Variants in NUDCD1 observed in about 807,000 individuals in gnomAD.
NUDCD1 encodes the protein NudC domain containing 1.
A neutral mutation model predicts 67.8 loss-of-function variants in NUDCD1; 60 were observed. That is an observed-to-expected ratio of 0.88 (90% CI 0.72 to 1.10). The LOEUF (loss-of-function observed/expected upper bound fraction) is 1.10, where lower values mean the gene tolerates loss of function less well. Among genes scored for constraint, NUDCD1 ranks in the 50% least tolerant of loss-of-function variants. The probability of loss-of-function intolerance (pLI) is 0.00; values close to 1 mark genes in which losing one functional copy is unlikely to be tolerated. For synonymous variants in NUDCD1, 244 were observed against 230.8 expected, an observed-to-expected ratio of 1.06 and a Z score of -0.52; for missense variants, 643 against 695.0, an observed-to-expected ratio of 0.93 and a Z score of 0.84.
chr8:109,296,505 T>C lies in NUDCD1; in HGVS notation c.338A>G (p.Asn113Ser), dbSNP rs771264834. ...GAAATGGATAGATGCACAAAGACGG[T>C]TGTCACATGCTGTCAAATCTGTAGG... Reference protein sequence around the residue: ...RLPTDLTACDNRLCASIHFSS... With the variant: ...RLPTDLTACDSRLCASIHFSS... The change falls in exon 3 of 10, where the codon AAC becomes AGC. Residue 113 changes from asparagine to serine, a missense_variant. By Grantham distance (46) the Asn-to-Ser change is conservative. Coordinates refer to ENST00000239690, the MANE Select transcript of NUDCD1 (RefSeq NM_032869.4). The C allele has an allele frequency of 3.7e-5, 60 of 1,613,226 alleles. No individual in the cohort carries two copies. Among genetic ancestry groups the C allele is most frequent in the Non-Finnish European group, 4.4e-5 (52 of 1,179,428 alleles).
At chr8:109,282,706 T>G (rs566949853) in intron 5 of NUDCD1, among the ~76,000 whole-genome samples, 1 of 151,800 alleles carries the variant, frequency 6.6e-6, no homozygotes, top group South Asian at 2.1e-4. Context: ...AGGGGAGGGA[T>G]AGCATTAGGA....
rs992958257 is a variant in NUDCD1, at chr8:109,296,310, G to A, written c.459+74C>T. The A allele has an allele frequency of 2.5e-6, 3 of 1,179,754 alleles. No individual in the cohort carries two copies. In the African/African-American group the frequency reaches 4.6e-5, roughly 18 times the overall value. The allele number at this position is 1,179,754 out of a possible 1,614,324, so 73.1% of individuals were successfully genotyped here. ...CACATGTAAACCATCCTTGAAAAGT[G>A]TCATTTTAAAATAAGTAGGGTGTAA... On this transcript the variant is annotated intron_variant, in intron 3 of 9. Transcript: ENST00000239690.
chr8:109,326,881 A>T (rs977309149), intron 1 of NUDCD1, among the ~76,000 whole-genome samples: 1 of 152,226 alleles, frequency 6.6e-6, no homozygotes, highest in Non-Finnish European at 1.5e-5. Context: ...TGTCTCCTGC[A>T]CTAATAGTGC....
intron 8 of NUDCD1, among the ~76,000 whole-genome samples, chr8:109,262,502 T>C (rs1293556156): frequency 6.6e-6 from 1 of 152,230 alleles, no homozygotes; most frequent in Non-Finnish European, 1.5e-5. Flanking sequence ...GACAGAGACT[T>C]CTGGTTTTAT....
chr8:109,269,473 GA>G (rs1238259462), intron 8 of NUDCD1, among the ~76,000 whole-genome samples: 1 of 152,158 alleles, frequency 6.6e-6, no homozygotes, highest in Non-Finnish European at 1.5e-5. Flanking sequence ...CGAGTGAGAA[GA>G]ACAGTTATAT....
intron 2 of NUDCD1, among the ~76,000 whole-genome samples, chr8:109,309,973 A>G (rs544804224): frequency 5.9e-5 from 9 of 152,316 alleles, no homozygotes; most frequent in Non-Finnish European, 1.2e-4. Flanking sequence ...GCTGACAGAA[A>G]TCACAGATTA....
chr8:109,333,936 G>C lies in NUDCD1; in HGVS notation c.75C>G (p.Leu25=), dbSNP rs1220317904. 1.9e-6 allele frequency: 3 copies of C among 1,614,192 alleles called. 1 individual carries two copies. Among genetic ancestry groups the C allele is most frequent in the African/African-American group, 2.7e-5 (2 of 75,072 alleles). ...LLDPRFEGYK[L]SLEPLPCYQL... Reference sequence around the variant, plus strand: ...GGTAACAAGGCAGCGGCTCAAGAGAGAGCTTGTAACCCTCGAAGCGGGGAT... The same window carrying C: ...GGTAACAAGGCAGCGGCTCAAGAGACAGCTTGTAACCCTCGAAGCGGGGAT... The change falls in exon 1 of 10, where the codon CTC becomes CTG. Residue 25 remains leucine (L), a synonymous_variant. Transcript: ENST00000239690.
chr8:109,326,613 A>G (rs773498096), intron 1 of NUDCD1, among the ~76,000 whole-genome samples: 19 of 152,218 alleles, frequency 1.2e-4, no homozygotes, highest in Non-Finnish European at 2.5e-4. Flanking sequence ...CATTGAAAAT[A>G]AAAGAGCTTT....
intron 5 of NUDCD1, among the ~76,000 whole-genome samples, chr8:109,288,114 A>T (rs1382894563): frequency 6.6e-6 from 1 of 152,234 alleles, no homozygotes; most frequent in Non-Finnish European, 1.5e-5. Flanking sequence ...CATAATTTTT[A>T]AAAATTACAA....
chr8:109,300,272 A>G (rs1215063369), intron 2 of NUDCD1, among the ~76,000 whole-genome samples: 1 of 152,180 alleles, frequency 6.6e-6, no homozygotes, highest in African/African-American at 2.4e-5. Flanking sequence ...TACCTGAAAA[A>G]GAATTCAGGA....
At position 109,242,216 on chromosome 8, in the gene NUDCD1, C is replaced by T. The variant is rs567913750; in HGVS notation, c.*793G>A. On this transcript the variant is annotated 3_prime_UTR_variant, in exon 10 of 10. Transcript: ENST00000239690. Reference sequence around the variant, plus strand: ...AGTAAATATGATAGATGTACAGGATCGATAAGCTCTTGCATATTGGAGCTT... The same window carrying T: ...AGTAAATATGATAGATGTACAGGATTGATAAGCTCTTGCATATTGGAGCTT... 3 of 397,226 alleles carry T rather than the reference C, an allele frequency of 7.6e-6. No homozygotes were observed. Among genetic ancestry groups the T allele is most frequent in the African/African-American group, 4.1e-5 (2 of 48,630 alleles). 24.6% of individuals were successfully genotyped at this position (397,226 alleles called of 1,614,324 possible). A position where few individuals can be genotyped will look rare whatever the true frequency, so the allele number is the denominator to read the frequency against.
intron 6 of NUDCD1, among the ~76,000 whole-genome samples, chr8:109,279,958 T>G (rs910453053): frequency 2.0e-5 from 3 of 152,180 alleles, no homozygotes; most frequent in African/African-American, 4.8e-5. Flanking sequence ...TATGGCTTTG[T>G]GTCCTGAACA....
rs142056400 is a variant in NUDCD1 at position 109,251,305 on chromosome 8, G to A, written c.1300-5824C>T. ...TCTCTGCCTCAGTCTCTCGAGTAGC[G>A]GGGATTACAGGTACCCACCACCACG... On this transcript the variant is annotated intron_variant, in intron 8 of 9. Coordinates refer to ENST00000239690, the MANE Select transcript of NUDCD1 (RefSeq NM_032869.4). Among the ~76,000 whole-genome samples, 119 of 151,220 alleles carry A rather than the reference G, an allele frequency of 7.9e-4. No individual in the cohort carries two copies. The East Asian group carries it at 0.014, about 18-fold the overall frequency.
chr8:109,317,666 A>G (rs945066669), intron 2 of NUDCD1, among the ~76,000 whole-genome samples: 1 of 152,198 alleles, frequency 6.6e-6, no homozygotes, highest in Non-Finnish European at 1.5e-5. Context: ...ATTTATTCTT[A>G]TCATACAGTT....
At chr8:109,265,968 T>C (rs969588834) in intron 8 of NUDCD1, among the ~76,000 whole-genome samples, 1 of 152,068 alleles carries the variant, frequency 6.6e-6, no homozygotes, top group African/African-American at 2.4e-5. Flanking sequence ...TCATCTGATC[T>C]AAGAAATTCA....
intron 2 of NUDCD1, among the ~76,000 whole-genome samples, chr8:109,313,079 C>A (rs1757327126): frequency 6.6e-6 from 1 of 152,180 alleles, no homozygotes; most frequent in Admixed American, 6.5e-5. Flanking sequence ...CTTTCTTTAA[C>A]CCTTCCTCCA....
At chr8:109,298,942 A>C (rs1455457853) in intron 2 of NUDCD1, 1 of 152,334 alleles carries the variant, frequency 6.6e-6, no homozygotes, top group Non-Finnish European at 1.5e-5. Flanking sequence ...GAGTACCCAA[A>C]CTGTGGAAGT....
chr8:109,322,304 C>G lies in NUDCD1; in HGVS notation c.273+5G>C. 6.9e-7 allele frequency: 1 copy of G among 1,459,588 alleles called. No homozygotes were observed. The highest frequency in any genetic ancestry group is 1.2e-5 in the South Asian group (1 of 82,526). The allele number at this position is 1,459,588 out of a possible 1,614,324, so 90.4% of individuals were successfully genotyped here. Reference sequence around the variant, plus strand: ...TATTAATTATTACATACATGTTTCTCTTACCAGCATTACTGTTAAATTCAT... The same window carrying G: ...TATTAATTATTACATACATGTTTCTGTTACCAGCATTACTGTTAAATTCAT... On this transcript the variant is annotated splice_donor_5th_base_variant and intron_variant, in intron 2 of 9. Coordinates refer to ENST00000239690, the MANE Select transcript of NUDCD1 (RefSeq NM_032869.4).
chr8:109,291,311 G>A (rs1814706106), intron 4 of NUDCD1, among the ~76,000 whole-genome samples: 3 of 152,082 alleles, frequency 2.0e-5, no homozygotes. Context: ...CCGAGCTAAT[G>A]TTTCTGTAAT....
Sources: gnomAD v4.1 joint callset for allele counts (sites outside exome capture counted in the v4.1 genomes callset) on GRCh38, gnomAD v4.1.1 for gene constraint, MANE v1.5 for transcripts, NCBI Gene and HGNC (gene_info 2026-07-23, HGNC 2026-07-21) for gene names.